Variants in RALYL observed in about 807,000 individuals in gnomAD.
The protein encoded by RALYL is RNA-binding Raly-like protein.
Under a neutral mutation model 35.1 loss-of-function variants are expected in RALYL, and 29 were observed. The observed-to-expected ratio is 0.83, with a 90% confidence interval of 0.61 to 1.13. The LOEUF (loss-of-function observed/expected upper bound fraction) is 1.13. RALYL is among the 50% of genes most tolerant of loss of function. The pLI is 0.00. For synonymous variants in RALYL, 120 were observed against 127.6 expected, an observed-to-expected ratio of 0.94 and a Z score of 0.40; for missense variants, 359 against 360.4, an observed-to-expected ratio of 1.00 and a Z score of 0.03.
At chr8:84,519,918 C>G (rs929743754) in intron 1 of RALYL, among the ~76,000 whole-genome samples, 2 of 152,140 alleles carry the variant, frequency 1.3e-5, no homozygotes, top group African/African-American at 4.8e-5. Context: ...GGTCCTCGGC[C>G]CTCTGCCAAA....
intron 8 of RALYL, among the ~76,000 whole-genome samples, chr8:84,913,035 GGTAGGTAGATAGA>G (rs1389662843): frequency 9.9e-5 from 6 of 60,802 alleles, no homozygotes; most frequent in Non-Finnish European, 1.4e-4. Context: ...TGGATGGATA[GGTAGGTAGATAGA>G]TAGATAGATA....
At chr8:84,911,603 G>A (rs534165900) in intron 8 of RALYL, among the ~76,000 whole-genome samples, 1 of 152,016 alleles carries the variant, frequency 6.6e-6, no homozygotes, top group Non-Finnish European at 1.5e-5. Context: ...AGTTGATTCA[G>A]TTCACAGTAT....
chr8:84,827,279 T>C (rs989723565), intron 4 of RALYL, among the ~76,000 whole-genome samples: 6 of 151,892 alleles, frequency 4.0e-5, no homozygotes, highest in African/African-American at 1.5e-4. Context: ...CAAGAAAATA[T>C]CCTAAAACTG....
chr8:84,334,990 C>G (rs1847499530), intron 1 of RALYL, among the ~76,000 whole-genome samples: 1 of 152,130 alleles, frequency 6.6e-6, no homozygotes, highest in Non-Finnish European at 1.5e-5. Context: ...TTCTTTCCCT[C>G]TATTGTACTT....
intron 2 of RALYL, among the ~76,000 whole-genome samples, chr8:84,546,525 A>G (rs1016093077): frequency 2.0e-5 from 3 of 152,210 alleles, no homozygotes; most frequent in African/African-American, 7.2e-5. Context: ...CAACTCTACC[A>G]ATGAGATAGA....
intron 3 of RALYL, among the ~76,000 whole-genome samples, chr8:84,795,454 T>A (rs1821698614): frequency 6.6e-6 from 1 of 152,176 alleles, no homozygotes; most frequent in African/African-American, 2.4e-5. Context: ...GTTATGAGGA[T>A]TAAATATGTG....
intron 1 of RALYL, among the ~76,000 whole-genome samples, chr8:84,213,258 G>A (rs762681177): frequency 1.3e-5 from 2 of 152,036 alleles, no homozygotes; most frequent in African/African-American, 4.8e-5. Flanking sequence ...AGGCATGGTG[G>A]CAACTGCCTG....
At chr8:84,661,263 A>G (rs1830853306) in intron 2 of RALYL, among the ~76,000 whole-genome samples, 1 of 152,042 alleles carries the variant, frequency 6.6e-6, no homozygotes, top group Admixed American at 6.6e-5. Flanking sequence ...ACCATAAATT[A>G]TTATTATTTT....
intron 1 of RALYL, among the ~76,000 whole-genome samples, chr8:84,236,634 A>G (rs1288100586): frequency 6.6e-6 from 1 of 152,204 alleles, no homozygotes. Flanking sequence ...ACTGGAACTT[A>G]AAGATTGCTC....
chr8:84,560,880 A>T (rs1375576873), intron 2 of RALYL, among the ~76,000 whole-genome samples: 1 of 151,958 alleles, frequency 6.6e-6, no homozygotes, highest in Non-Finnish European at 1.5e-5. Context: ...AGAGTTACCT[A>T]TTCTCTATTT....
chr8:84,458,243 A>T (rs1022855710), intron 1 of RALYL, among the ~76,000 whole-genome samples: 1 of 151,852 alleles, frequency 6.6e-6, no homozygotes, highest in African/African-American at 2.4e-5. Flanking sequence ...ATAATATTAC[A>T]AATGTCAAAG....
At chr8:84,822,984 A>G (rs1586561101) in intron 4 of RALYL, among the ~76,000 whole-genome samples, 1 of 152,162 alleles carries the variant, frequency 6.6e-6, no homozygotes, top group Non-Finnish European at 1.5e-5. Flanking sequence ...TGCGAGGTGC[A>G]CTGAACTGCT....
chr8:84,481,885 T>G (rs887285066), intron 1 of RALYL, among the ~76,000 whole-genome samples: 1 of 152,150 alleles, frequency 6.6e-6, no homozygotes, highest in African/African-American at 2.4e-5. Context: ...TGTGATTGGA[T>G]GCTGTGGTAT....
chr8:84,597,227 A>C (rs922120836), intron 2 of RALYL, among the ~76,000 whole-genome samples: 1 of 152,158 alleles, frequency 6.6e-6, no homozygotes, highest in Non-Finnish European at 1.5e-5. Flanking sequence ...TAGTTTCCTC[A>C]AAATTCTCTG....
At chr8:84,227,266 G>A (rs1283196159) in intron 1 of RALYL, among the ~76,000 whole-genome samples, 1 of 151,622 alleles carries the variant, frequency 6.6e-6, no homozygotes, top group Admixed American at 6.6e-5. Flanking sequence ...TACCATGTTG[G>A]CCACACTGGT....
At chr8:84,472,844 C>A (rs1187392044) in intron 1 of RALYL, among the ~76,000 whole-genome samples, 1 of 152,128 alleles carries the variant, frequency 6.6e-6, no homozygotes, top group African/African-American at 2.4e-5. Flanking sequence ...TTATTTTCTT[C>A]AGGAAATGGC....
intron 8 of RALYL, among the ~76,000 whole-genome samples, chr8:84,890,874 T>G (rs919682982): frequency 6.6e-6 from 1 of 151,360 alleles, no homozygotes; most frequent in Non-Finnish European, 1.5e-5. Context: ...GCTGACTAGA[T>G]GGGTCATGGA....
chr8:84,735,381 G>A (rs886159969), intron 2 of RALYL, among the ~76,000 whole-genome samples: 1 of 151,712 alleles, frequency 6.6e-6, no homozygotes, highest in Non-Finnish European at 1.5e-5. Flanking sequence ...CAACTTAAAG[G>A]CAATTTTTAA....
chr8:84,886,699 G>A (rs879549563), intron 7 of RALYL, among the ~76,000 whole-genome samples: 3 of 152,104 alleles, frequency 2.0e-5, no homozygotes, highest in Non-Finnish European at 4.4e-5. Flanking sequence ...AAATAATTAC[G>A]ATGCTGTCAG....
Sources: allele counts gnomAD v4.1 joint callset (sites outside exome capture counted in the v4.1 genomes callset), GRCh38; gene constraint gnomAD v4.1.1; transcripts MANE v1.5; gene names NCBI Gene and HGNC (gene_info 2026-07-23, HGNC 2026-07-21).